ARB2A: variants seen among roughly 807,000 people sequenced by gnomAD.
ARB2A encodes cotranscriptional regulator ARB2A.
chr5:94,046,340 T>A, the ARB2A span, among the ~76,000 whole-genome samples: 1 of 152,116 alleles, frequency 6.6e-6, no homozygotes, highest in Non-Finnish European at 1.5e-5. Flanking sequence ...GGCAAGTTCA[T>A]CTAACTGTGC....
the ARB2A span, among the ~76,000 whole-genome samples, chr5:94,050,013 C>A: frequency 6.6e-6 from 1 of 151,892 alleles, no homozygotes; most frequent in Non-Finnish European, 1.5e-5. Flanking sequence ...GATCACAGCT[C>A]CCTGCAGCCT....
chr5:93,659,354 G>T, the ARB2A span, among the ~76,000 whole-genome samples: 1 of 152,052 alleles, frequency 6.6e-6, no homozygotes, highest in Non-Finnish European at 1.5e-5. Flanking sequence ...CAGCAAATGT[G>T]CAGGAACCAG....
chr5:94,069,087 T>TAGATAGATAGATAGAC, the ARB2A span, among the ~76,000 whole-genome samples: 255 of 151,348 alleles, frequency 1.7e-3, 1 homozygote, highest in African/African-American at 4.4e-3. Context: ...GATAGATAGA[T>TAGATAGATAGATAGAC]AGACTAATGG....
At chr5:93,916,937 T>C in the ARB2A span, among the ~76,000 whole-genome samples, 1 of 152,104 alleles carries the variant, frequency 6.6e-6, no homozygotes, top group Non-Finnish European at 1.5e-5. Context: ...AAAGAAAGCA[T>C]GGGGATGTTA....
the ARB2A span, among the ~76,000 whole-genome samples, chr5:94,042,163 A>G: frequency 1.2e-3 from 180 of 152,320 alleles, 2 homozygotes; most frequent in Non-Finnish European, 1.4e-3. Flanking sequence ...GAAGGTTTGT[A>G]AAAAATTAAT....
the ARB2A span, among the ~76,000 whole-genome samples, chr5:93,907,358 T>G: frequency 6.6e-6 from 1 of 151,526 alleles, no homozygotes; most frequent in African/African-American, 2.4e-5. Flanking sequence ...GAGAAAATTT[T>G]ACACCATTTC....
chr5:94,000,026 C>T, the ARB2A span, among the ~76,000 whole-genome samples: 1 of 152,040 alleles, frequency 6.6e-6, no homozygotes, highest in East Asian at 1.9e-4. Context: ...AATAATATTC[C>T]ATTGTCTGGA....
At chr5:93,870,336 C>A in the ARB2A span, among the ~76,000 whole-genome samples, 1 of 152,128 alleles carries the variant, frequency 6.6e-6, no homozygotes, top group South Asian at 2.1e-4. Context: ...CTACCCGATT[C>A]GATTTCTCTA....
the ARB2A span, among the ~76,000 whole-genome samples, chr5:93,622,059 G>C: frequency 6.6e-6 from 1 of 152,132 alleles, no homozygotes; most frequent in Non-Finnish European, 1.5e-5. Flanking sequence ...TTTAACACAG[G>C]CAGCGGATAA....
At chr5:94,048,253 C>T in the ARB2A span, among the ~76,000 whole-genome samples, 1 of 151,958 alleles carries the variant, frequency 6.6e-6, no homozygotes, top group Non-Finnish European at 1.5e-5. Flanking sequence ...CAGGGTTTCA[C>T]CATGTTGGTC....
chr5:93,670,877 A>T, the ARB2A span, among the ~76,000 whole-genome samples: 1 of 152,236 alleles, frequency 6.6e-6, no homozygotes, highest in Non-Finnish European at 1.5e-5. Flanking sequence ...ACTTTCATTT[A>T]CAATTGTACT....
the ARB2A span, among the ~76,000 whole-genome samples, chr5:93,814,050 C>T: frequency 6.6e-6 from 1 of 152,146 alleles, no homozygotes; most frequent in Admixed American, 6.5e-5. Flanking sequence ...ACCTTCTGTG[C>T]ACTCAGTGAG....
the ARB2A span, among the ~76,000 whole-genome samples, chr5:93,765,279 T>C: frequency 6.6e-6 from 1 of 152,204 alleles, no homozygotes; most frequent in African/African-American, 2.4e-5. Context: ...ACGACGTGAT[T>C]GTATATCTAG....
chr5:93,943,242 T>C, the ARB2A span, among the ~76,000 whole-genome samples: 1 of 152,142 alleles, frequency 6.6e-6, no homozygotes, highest in South Asian at 2.1e-4. Flanking sequence ...TATTTAAATA[T>C]GATATTATCA....
At chr5:93,922,010 GGGGTTCATAA>G in the ARB2A span, among the ~76,000 whole-genome samples, 1 of 152,100 alleles carries the variant, frequency 6.6e-6, no homozygotes, top group Non-Finnish European at 1.5e-5. Context: ...TCTCTAGATA[GGGGTTCATAA>G]GGACTTTTAA....
At chr5:93,821,072 G>C in the ARB2A span, among the ~76,000 whole-genome samples, 2 of 151,966 alleles carry the variant, frequency 1.3e-5, no homozygotes, top group Non-Finnish European at 2.9e-5. Context: ...TTTTAAGATA[G>C]GATATAATAG....
chr5:93,822,441 T>C, the ARB2A span, among the ~76,000 whole-genome samples: 38 of 152,310 alleles, frequency 2.5e-4, 1 homozygote, highest in African/African-American at 8.9e-4. Flanking sequence ...TGTAAAGGTT[T>C]TCGTAAACTG....
At chr5:93,685,113 C>T in the ARB2A span, among the ~76,000 whole-genome samples, 43 of 152,290 alleles carry the variant, frequency 2.8e-4, 1 homozygote, top group South Asian at 8.9e-3. Context: ...CAATGACTTA[C>T]ATCCTTTTAG....
chr5:93,786,311 A>T, the ARB2A span, among the ~76,000 whole-genome samples: 1 of 152,332 alleles, frequency 6.6e-6, no homozygotes, highest in South Asian at 2.1e-4. Flanking sequence ...AAGATGGAAA[A>T]ATACAGAGTT....
Sources: allele counts gnomAD v4.1 joint callset (sites outside exome capture counted in the v4.1 genomes callset), GRCh38; gene constraint gnomAD v4.1.1; transcripts MANE v1.5; gene names NCBI Gene and HGNC (gene_info 2026-07-23, HGNC 2026-07-21).